The following BCL2 variants were observed in gnomAD, a reference collection of about 807,000 sequenced individuals.
BCL2 encodes the protein BCL2 apoptosis regulator.
A neutral mutation model predicts 14.2 loss-of-function variants in BCL2; 1 was observed. The ratio of observed to expected loss-of-function variants is 0.07; its 90% CI spans 0.02 to 0.33. The LOEUF is 0.33. Ranked by LOEUF, BCL2 falls within the 10% of genes least tolerant of loss-of-function variation. BCL2 has a pLI of 0.99. For synonymous variants in BCL2, 151 were observed against 137.2 expected (o/e 1.10, Z -0.70); for missense variants, 247 against 305.9 (o/e 0.81, Z 1.44).
chr18:63,254,482 G>C (rs896703544), intron 2 of BCL2, among the ~76,000 whole-genome samples: 1 of 147,844 alleles, frequency 6.8e-6, no homozygotes, highest in African/African-American at 2.5e-5. Context: ...CTTGAACCAG[G>C]GAGGCAGAGG....
intron 2 of BCL2, among the ~76,000 whole-genome samples, chr18:63,167,771 CA>C (rs1915080240): frequency 6.6e-6 from 1 of 151,912 alleles, no homozygotes; most frequent in African/African-American, 2.4e-5. Context: ...ACTAAAAATA[CA>C]AAAATTAGCT....
At chr18:63,142,423 C>G (rs1914389929) in intron 2 of BCL2, among the ~76,000 whole-genome samples, 1 of 152,228 alleles carries the variant, frequency 6.6e-6, no homozygotes, top group South Asian at 2.1e-4. Flanking sequence ...TACCGCAGGC[C>G]CAGACATCTG....
At chr18:63,274,458 T>C (rs1912094319) in intron 2 of BCL2, among the ~76,000 whole-genome samples, 1 of 151,880 alleles carries the variant, frequency 6.6e-6, no homozygotes, top group Non-Finnish European at 1.5e-5. Context: ...GTAATTTTTG[T>C]ATTTTTAGTA....
chr18:63,139,403 A>G (rs1375556684), intron 2 of BCL2, among the ~76,000 whole-genome samples: 3 of 152,248 alleles, frequency 2.0e-5, no homozygotes, highest in Non-Finnish European at 4.4e-5. Context: ...CAGCGGGCTT[A>G]TTCATTCAGT....
chr18:63,261,026 T>G (rs1224638545), intron 2 of BCL2, among the ~76,000 whole-genome samples: 1 of 152,202 alleles, frequency 6.6e-6, no homozygotes, highest in Non-Finnish European at 1.5e-5. Context: ...CCATTCCTTC[T>G]CGAGGGGCTG....
intron 2 of BCL2, among the ~76,000 whole-genome samples, chr18:63,203,755 G>A (rs1909763602): frequency 6.6e-6 from 1 of 152,144 alleles, no homozygotes; most frequent in African/African-American, 2.4e-5. Flanking sequence ...ATTGTTCTGA[G>A]AATTGAGATA....
At chr18:63,141,385 T>G (rs1914356872) in intron 2 of BCL2, among the ~76,000 whole-genome samples, 1 of 151,844 alleles carries the variant, frequency 6.6e-6, no homozygotes, top group Non-Finnish European at 1.5e-5. Flanking sequence ...CAGACCCTCC[T>G]GCTGTGAGTT....
intron 2 of BCL2, among the ~76,000 whole-genome samples, chr18:63,222,291 AAAAG>A: frequency 6.6e-6 from 1 of 150,904 alleles, no homozygotes; most frequent in African/African-American, 2.4e-5. Context: ...AAAAAAAAGA[AAAAG>A]AAAAAAGAAA....
In BCL2 at chr18:63,124,422, G is replaced by C; in HGVS notation, c.*4203C>G. The C allele has an allele frequency of 4.3e-6, 1 of 231,224 alleles. No individual in the cohort carries two copies. The highest frequency in any genetic ancestry group is 8.6e-6 in the Non-Finnish European group (1 of 116,738). The allele number at this position is 231,224 out of a possible 1,614,324, so 14.3% of individuals were successfully genotyped here. ...ACTTTGAGCCATGCTGATGTCTCTG[G>C]AATCTAAAGGTCGTACCACAAACTT... On this transcript the variant is annotated 3_prime_UTR_variant, in exon 3 of 3. Transcript: ENST00000333681.
chr18:63,210,465 A>G (rs1332152846), intron 2 of BCL2, among the ~76,000 whole-genome samples: 2 of 152,202 alleles, frequency 1.3e-5, no homozygotes, highest in Non-Finnish European at 2.9e-5. Context: ...ATCCCATATT[A>G]TACTTTCCAA....
At chr18:63,196,613 G>C (rs895999052) in intron 2 of BCL2, among the ~76,000 whole-genome samples, 1 of 152,182 alleles carries the variant, frequency 6.6e-6, no homozygotes, top group Middle Eastern at 3.4e-3. Flanking sequence ...GAAAATTAAT[G>C]AGAGCTGAAC....
At chr18:63,291,730 T>TTC (rs1288977969) in intron 2 of BCL2, among the ~76,000 whole-genome samples, 3 of 151,826 alleles carry the variant, frequency 2.0e-5, no homozygotes, top group African/African-American at 7.3e-5. Context: ...GTATTTCTTT[T>TTC]TTTTTTTTTC....
intron 2 of BCL2, among the ~76,000 whole-genome samples, chr18:63,285,366 C>T (rs1432876844): frequency 6.6e-6 from 1 of 152,110 alleles, no homozygotes; most frequent in Non-Finnish European, 1.5e-5. Context: ...CTCTGGCTGA[C>T]CTCTGGAATT....
rs908854227 is a variant in BCL2, at chr18:63,127,347, C to T, written c.*1278G>A. On this transcript the variant is annotated 3_prime_UTR_variant, in exon 3 of 3. Transcript: ENST00000333681. ...CCTCTCCTCACGTTCCCAGCCTTCACCATGTCCTTCTGATAGGAAGGGCCC... is the reference window on the plus strand; with the variant it reads ...CCTCTCCTCACGTTCCCAGCCTTCATCATGTCCTTCTGATAGGAAGGGCCC... The T allele has an allele frequency of 8.6e-6, 2 of 233,212 alleles. No homozygotes were observed. Among genetic ancestry groups the T allele is most frequent in the Non-Finnish European group, 1.7e-5 (2 of 117,994 alleles). The allele number at this position is 233,212 out of a possible 1,614,324, so 14.4% of individuals were successfully genotyped here.
chr18:63,157,838 A>G (rs1914821790), intron 2 of BCL2, among the ~76,000 whole-genome samples: 1 of 152,218 alleles, frequency 6.6e-6, no homozygotes, highest in African/African-American at 2.4e-5. Flanking sequence ...ATTGACAGAG[A>G]AACAAATACC....
intron 2 of BCL2, among the ~76,000 whole-genome samples, chr18:63,156,118 C>T (rs1004483926): frequency 4.5e-5 from 6 of 134,260 alleles, no homozygotes; most frequent in Non-Finnish European, 8.0e-5. Flanking sequence ...GCTTGGACGG[C>T]ATCAGACGGG....
intron 2 of BCL2, among the ~76,000 whole-genome samples, chr18:63,259,574 C>T (rs1222898493): frequency 1.3e-5 from 2 of 152,238 alleles, no homozygotes; most frequent in Non-Finnish European, 2.9e-5. Context: ...CAAGGGGAAA[C>T]CGTTTGCTTT....
chr18:63,283,303 G>T (rs758227820), intron 2 of BCL2, among the ~76,000 whole-genome samples: 21 of 152,028 alleles, frequency 1.4e-4, no homozygotes, highest in Non-Finnish European at 5.9e-5. Flanking sequence ...CACCTCTACG[G>T]GTCTTTGGTT....
chr18:63,228,504 T>C (rs182785702), intron 2 of BCL2, among the ~76,000 whole-genome samples: 1 of 143,744 alleles, frequency 7.0e-6, no homozygotes, highest in East Asian at 2.0e-4. Context: ...TTATATATTT[T>C]GTTTGTTTAT....
Sources: allele counts gnomAD v4.1 joint callset (sites outside exome capture counted in the v4.1 genomes callset), GRCh38; gene constraint gnomAD v4.1.1; transcripts MANE v1.5; gene names NCBI Gene and HGNC (gene_info 2026-07-23, HGNC 2026-07-21).